CGAS: variants seen among roughly 807,000 people sequenced by gnomAD.
CGAS encodes cyclic GMP-AMP synthase.
CGAS carries 31 observed loss-of-function variants against 34.0 expected under a neutral mutation model. That is an observed-to-expected ratio of 0.91 (90% confidence interval 0.69 to 1.23). The LOEUF (loss-of-function observed/expected upper bound fraction) is 1.23. CGAS is among the 50% of genes most tolerant of loss of function. CGAS has a pLI of 0.00. For synonymous variants in CGAS, 266 were observed against 260.0 expected (o/e 1.02, Z -0.22); for missense variants, 597 against 657.6 (o/e 0.91, Z 1.01).
chr6:73,426,449 CTCTT>C (rs1467332893), intron 4 of CGAS, among the ~76,000 whole-genome samples: 2 of 151,454 alleles, frequency 1.3e-5, no homozygotes, highest in Non-Finnish European at 2.9e-5. Context: ...TTTTTTCCCT[CTCTT>C]TCCCATTCTT....
chr6:73,428,689 T>C lies in CGAS; in HGVS notation c.1217+20A>G. 1 of 1,598,714 alleles carries C rather than the reference T, an allele frequency of 6.3e-7. No individual in the cohort carries two copies. Among genetic ancestry groups the C allele is most frequent in the Non-Finnish European group, 8.5e-7 (1 of 1,170,678 alleles). On this transcript the variant is annotated intron_variant, in intron 4 of 4. Transcript: ENST00000370315. ...AGCATACCATAGATAATCTGTCATT[T>C]AACAAAATAAGGCTGTTACCTGCAA...
At chr6:73,438,224 T>A (rs1475494936) in intron 3 of CGAS, among the ~76,000 whole-genome samples, 1 of 152,208 alleles carries the variant, frequency 6.6e-6, no homozygotes, top group East Asian at 1.9e-4. Flanking sequence ...ATTTTCACTG[T>A]TAAGTCCCTC....
At chr6:73,449,475 A>AC (rs1158274715) in intron 1 of CGAS, among the ~76,000 whole-genome samples, 91 of 129,162 alleles carry the variant, frequency 7.0e-4, no homozygotes, top group African/African-American at 2.7e-3. Context: ...ACTCTGTCTC[A>AC]AACACACACA....
In CGAS at chr6:73,428,782, T is replaced by A; in HGVS notation, c.1144A>T (p.Ile382Phe). 1 of 1,613,768 alleles carries A rather than the reference T, an allele frequency of 6.2e-7. No homozygotes were observed. Reference protein sequence around the residue: ...EETWRLSFSHIEKEILNNHGK... With the variant: ...EETWRLSFSHFEKEILNNHGK... ...TGATTGTTCAAAATTTCCTTTTCGA[T>A]GTGAGAGAAGGATAGCCGCCATGTT... Residue 382 changes from isoleucine to phenylalanine, a missense_variant, in exon 4 of 5, where the codon ATC (isoleucine) becomes TTC (phenylalanine). Physicochemically the swap from Ile to Phe is conservative, Grantham distance 21. Transcript: ENST00000370315.
intron 4 of CGAS, among the ~76,000 whole-genome samples, chr6:73,427,376 T>C (rs763718939): frequency 3.9e-5 from 6 of 152,054 alleles, no homozygotes; most frequent in Non-Finnish European, 7.4e-5. Context: ...CTCAGCTTAT[T>C]GCAACCTCTG....
At chr6:73,438,381 T>G (rs1001488216) in intron 3 of CGAS, among the ~76,000 whole-genome samples, 1 of 152,138 alleles carries the variant, frequency 6.6e-6, no homozygotes, top group Admixed American at 6.6e-5. Context: ...CTTTCTTTCA[T>G]TTTAATGGAA....
chr6:73,452,208 A>G lies in CGAS; in HGVS notation c.-27T>C. On this transcript the variant is annotated 5_prime_UTR_variant, in exon 1 of 5. Coordinates refer to ENST00000370315, the MANE Select transcript of CGAS (RefSeq NM_138441.3). The stretch of plus-strand genomic sequence containing the variant: ...GCTGGCGCTTTCTGTTCCCCGAAAG[A>G]AGAATCCGTTTCAGGAAAAGGCCGC... 23 of 1,578,934 alleles carry G rather than the reference A, an allele frequency of 1.5e-5. No homozygotes were observed. Among genetic ancestry groups the G allele is most frequent in the Non-Finnish European group, 2.0e-5 (23 of 1,165,428 alleles).
chr6:73,451,848 C>T lies in CGAS; in HGVS notation c.334G>A (p.Glu112Lys). 1 of 1,550,430 alleles carries T rather than the reference C, an allele frequency of 6.4e-7. No individual in the cohort carries two copies. Among genetic ancestry groups the T allele is most frequent in the Non-Finnish European group, 8.7e-7 (1 of 1,147,392 alleles). ...GAACCAGCCCTGGAAAGAGCCGGCT[C>T]CCGAGCCGCAGGAGGCTCCAGCCCC... is the stretch of plus-strand genomic sequence containing the variant. ...AEGLEPPAAR[E>K]PALSRAGSCR... is the part of the protein sequence containing the mutation. The change falls in exon 1 of 5, where the codon GAG (glutamate) becomes AAG (lysine). Residue 112 changes from glutamate to lysine, a missense_variant. Physicochemically the swap from Glu to Lys is moderately conservative, Grantham distance 56. Coordinates refer to ENST00000370315, the MANE Select transcript of CGAS (RefSeq NM_138441.3).
Position 73,425,127 on chromosome 6 carries a change from A to G in CGAS, c.*100T>C. The G allele has an allele frequency of 1.2e-6, 1 of 868,758 alleles. No homozygotes were observed. The highest frequency in any genetic ancestry group is 1.7e-6 in the Non-Finnish European group (1 of 582,556). The allele number at this position is 868,758 out of a possible 1,614,324, so 53.8% of individuals were successfully genotyped here. A position where few individuals can be genotyped will look rare whatever the true frequency, so the allele number is the denominator to read the frequency against. ...CCTCGGCCTCCAAAGAGCTGGGATT[A>G]CAGGTGTGAGCCACAGCGTCTGGCC... is the stretch of plus-strand genomic sequence containing the variant. On this transcript the variant is annotated 3_prime_UTR_variant, in exon 5 of 5. Coordinates refer to ENST00000370315, the MANE Select transcript of CGAS (RefSeq NM_138441.3).
Position 73,431,328 on chromosome 6 carries a change from G to A in CGAS, c.1115-2517C>T, listed in dbSNP as rs560190129. On this transcript the variant is annotated intron_variant, in intron 3 of 4. Coordinates refer to ENST00000370315, the MANE Select transcript of CGAS (RefSeq NM_138441.3). Reference sequence around the variant, plus strand: ...CTACTAAAAATACAAACATTTAGCCGGGCATGGTGGCACAAGCCTGTAATC... The same window carrying A: ...CTACTAAAAATACAAACATTTAGCCAGGCATGGTGGCACAAGCCTGTAATC... Among the ~76,000 whole-genome samples the A allele has an allele frequency of 3.3e-5, 5 of 151,090 alleles. No individual in the cohort carries two copies. The South Asian group carries it at 6.3e-4, about 19-fold the overall frequency.
At chr6:73,445,830 T>A in intron 1 of CGAS, 83 bp from the exon 2 acceptor site, 1 of 1,044,042 alleles carries the variant, frequency 9.6e-7, no homozygotes, top group Non-Finnish European at 1.4e-6. Flanking sequence ...AATTTCCACT[T>A]AAAACTTTAC....
rs964675050 is a variant in CGAS, at chr6:73,424,260, C to T, written c.*967G>A. On this transcript the variant is annotated 3_prime_UTR_variant, in exon 5 of 5. Transcript: ENST00000370315. ...CCATCCTGGCTAACATGGTGAAACC[C>T]CATCTTTACTAAAAATACAAAAAAT... The T allele has an allele frequency of 5.3e-5, 8 of 151,982 alleles. No individual in the cohort carries two copies. Among genetic ancestry groups the T allele is most frequent in the Admixed American group, 3.3e-4 (5 of 15,214 alleles). The allele number at this position is 151,982 out of a possible 1,614,324, so 9.4% of individuals were successfully genotyped here.
intron 3 of CGAS, 124 bp downstream of exon 3, chr6:73,440,085 C>G: frequency 4.9e-6 from 4 of 816,648 alleles, no homozygotes; most frequent in Non-Finnish European, 7.6e-6. Flanking sequence ...CATCTTATAA[C>G]CTATTTTGCC....
Position 73,451,471 on chromosome 6 carries a change from G to C in CGAS, c.657+54C>G, listed in dbSNP as rs1351173224. 18 of 1,499,878 alleles carry C rather than the reference G, an allele frequency of 1.2e-5. No homozygotes were observed. In the Admixed American group the frequency reaches 1.5e-4, roughly 13 times the overall value. 92.9% of individuals were successfully genotyped at this position (1,499,878 alleles called of 1,614,324 possible). A position where few individuals can be genotyped will look rare whatever the true frequency, so the allele number is the denominator to read the frequency against. On this transcript the variant is annotated intron_variant, in intron 1 of 4. Coordinates refer to ENST00000370315, the MANE Select transcript of CGAS (RefSeq NM_138441.3). Reference sequence around the variant, plus strand: ...GCGACCCGGGGAAGGTAGGGACTGCGGATTGCGGAAGGCCGAGCAGCGGGG... The same window carrying C: ...GCGACCCGGGGAAGGTAGGGACTGCCGATTGCGGAAGGCCGAGCAGCGGGG...
intron 3 of CGAS, among the ~76,000 whole-genome samples, chr6:73,438,691 T>A (rs1193713868): frequency 2.5e-5 from 2 of 78,826 alleles, no homozygotes; most frequent in Non-Finnish European, 5.3e-5. Context: ...CAAGAATCCG[T>A]CTCAAAAAAA....
At chr6:73,429,486 T>C (rs2150809689) in intron 3 of CGAS, among the ~76,000 whole-genome samples, 1 of 152,280 alleles carries the variant, frequency 6.6e-6, no homozygotes, top group Middle Eastern at 3.4e-3. Context: ...ACAAAATGAA[T>C]TGGGGACCAT....
Position 73,440,267 on chromosome 6 carries a change from TA to T in CGAS, c.1055del (p.Leu352HisfsTer3), listed in dbSNP as rs775246808. ...GTACAAGGTAAAATGGCTTTAGTCG[TA>T]GTTGCTTCCTAACTTTTGCTGAAAG... The part of the protein sequence containing the change: ...NWLSAKVRKQ[L>X]RLKPFYLVPK... On this transcript the variant is annotated frameshift_variant, in exon 3 of 5. Coordinates refer to ENST00000370315, the MANE Select transcript of CGAS (RefSeq NM_138441.3). LOFTEE classifies it high-confidence loss of function. 3 of 1,614,212 alleles carry T rather than the reference TA, an allele frequency of 1.9e-6. No homozygotes were observed. Among genetic ancestry groups the T allele is most frequent in the Non-Finnish European group, 2.5e-6 (3 of 1,180,036 alleles).
At chr6:73,449,501 AC>A (rs1770526453) in intron 1 of CGAS, among the ~76,000 whole-genome samples, 1 of 151,432 alleles carries the variant, frequency 6.6e-6, no homozygotes, top group Non-Finnish European at 1.5e-5. Context: ...ACACACACAC[AC>A]ACACACAAAG....
intron 4 of CGAS, among the ~76,000 whole-genome samples, chr6:73,428,460 C>T (rs1770127421): frequency 6.6e-6 from 1 of 152,102 alleles, no homozygotes; most frequent in Admixed American, 6.6e-5. Flanking sequence ...TACATCTATA[C>T]AAAAACACAT....
Sources: gnomAD v4.1 joint callset for allele counts (sites outside exome capture counted in the v4.1 genomes callset) on GRCh38, gnomAD v4.1.1 for gene constraint, MANE v1.5 for transcripts, NCBI Gene and HGNC (gene_info 2026-07-23, HGNC 2026-07-21) for gene names.